The following UNC80 variants were observed in gnomAD, a reference collection of about 807,000 sequenced individuals.
The protein encoded by UNC80 is unc-80 subunit of NALCN channel complex.
In UNC80, 164 loss-of-function variants were observed where a neutral mutation model predicts 384.6. The ratio of observed to expected loss-of-function variants is 0.43; its 90% CI spans 0.38 to 0.49. The LOEUF (loss-of-function observed/expected upper bound fraction) is 0.49. UNC80 is among the 20% of genes least tolerant of loss of function. UNC80 has a pLI of 0.00. For missense variants in UNC80, 3,330 were observed against 4,143.0 expected, an observed-to-expected ratio of 0.80 and a Z score of 5.39; for synonymous variants, 1,486 against 1,527.8, an observed-to-expected ratio of 0.97 and a Z score of 0.64.
intron 43 of UNC80, 82 bp from the exon 44 acceptor site, chr2:209,941,139 A>G (rs2091603089): frequency 7.1e-7 from 1 of 1,407,904 alleles, no homozygotes; most frequent in Non-Finnish European, 9.4e-7. Flanking sequence ...GGAGAACAGC[A>G]GCGCCTTGGG....
intron 15 of UNC80, among the ~76,000 whole-genome samples, chr2:209,829,600 A>G (rs1247938422): frequency 6.6e-6 from 1 of 152,210 alleles, no homozygotes; most frequent in African/African-American, 2.4e-5. Context: ...TTACCACAGT[A>G]AATGAAAGTT....
At position 209,973,114 on chromosome 2, in the gene UNC80, A is replaced by G. The variant is rs2092924787; in HGVS notation, c.8431A>G (p.Ile2811Val). Residue 2811 changes from isoleucine (I) to valine (V), a missense_variant, in exon 56 of 65, where the codon ATC becomes GTC. Physicochemically the swap from Ile to Val is conservative, Grantham distance 29 (BLOSUM62 3). Transcript: ENST00000673920. Reference sequence around the variant, plus strand: ...GGTGCAGCTGCTGCTGCAGACAGTCATCAATGTACTCCTCCCACCGCGGAT... The same window carrying G: ...GGTGCAGCTGCTGCTGCAGACAGTCGTCAATGTACTCCTCCCACCGCGGAT... ...PEVQLLLQTV[I>V]NVLLPPRIIS... 2 of 1,551,452 alleles carry G rather than the reference A, an allele frequency of 1.3e-6. No homozygotes were observed. The highest frequency in any genetic ancestry group is 8.7e-7 in the Non-Finnish European group (1 of 1,146,984).
chr2:209,854,304 A>G (rs2082733440), intron 22 of UNC80, among the ~76,000 whole-genome samples: 1 of 151,178 alleles, frequency 6.6e-6, no homozygotes, highest in Non-Finnish European at 1.5e-5. Flanking sequence ...TTTTTTAAAA[A>G]GAGTCTAACT....
intron 5 of UNC80, among the ~76,000 whole-genome samples, chr2:209,789,249 T>G (rs1168694156): frequency 6.6e-6 from 1 of 152,234 alleles, no homozygotes; most frequent in Non-Finnish European, 1.5e-5. Flanking sequence ...TATTAGGTGC[T>G]GAGTAGGTGT....
At chr2:209,790,905 G>A (rs1376696790) in intron 6 of UNC80, among the ~76,000 whole-genome samples, 2 of 152,064 alleles carry the variant, frequency 1.3e-5, no homozygotes, top group Non-Finnish European at 2.9e-5. Flanking sequence ...CAAGTAACAT[G>A]TCCTAGTTTA....
At chr2:209,886,940 T>C (rs1297905230) in intron 25 of UNC80, among the ~76,000 whole-genome samples, 2 of 152,216 alleles carry the variant, frequency 1.3e-5, no homozygotes, top group Non-Finnish European at 2.9e-5. Flanking sequence ...TTCCTAGGGC[T>C]CTAGGGAAGA....
intron 26 of UNC80, among the ~76,000 whole-genome samples, chr2:209,889,555 C>T (rs34529676): frequency 0.094 from 14,230 of 152,100 alleles, 819 homozygotes; most frequent in South Asian, 0.26. Context: ...ATGTTTGTTA[C>T]ATAGGTATAG....
At chr2:209,857,577 C>A (rs1038777005) in intron 22 of UNC80, among the ~76,000 whole-genome samples, 2 of 151,754 alleles carry the variant, frequency 1.3e-5, no homozygotes, top group African/African-American at 4.8e-5. Flanking sequence ...TTAATGCTTG[C>A]TCTTATTTTT....
intron 13 of UNC80, among the ~76,000 whole-genome samples, chr2:209,822,884 T>C (rs1252705943): frequency 6.6e-6 from 1 of 152,124 alleles, no homozygotes; most frequent in African/African-American, 2.4e-5. Context: ...GATTATGTGG[T>C]CTCCAATACA....
intron 7 of UNC80, among the ~76,000 whole-genome samples, chr2:209,808,294 G>T (rs1246676453): frequency 1.7e-5 from 1 of 60,012 alleles, no homozygotes; most frequent in Admixed American, 2.3e-4. Context: ...TGGGCGTGGT[G>T]GTTCACGCCT....
intron 29 of UNC80, among the ~76,000 whole-genome samples, chr2:209,907,110 T>A (rs1190566536): frequency 6.6e-6 from 1 of 152,162 alleles, no homozygotes; most frequent in African/African-American, 2.4e-5. Context: ...GGACACTAAA[T>A]GTTATTTTCC....
chr2:209,992,649 A>G (rs1427575421), intron 62 of UNC80, among the ~76,000 whole-genome samples: 2 of 152,174 alleles, frequency 1.3e-5, no homozygotes, highest in Admixed American at 6.5e-5. Context: ...CTATAATTCT[A>G]TTTGTTCCTT....
chr2:209,778,652 C>T (rs1160054092), intron 4 of UNC80, among the ~76,000 whole-genome samples: 7 of 152,098 alleles, frequency 4.6e-5, no homozygotes, highest in Admixed American at 6.5e-5. Context: ...TGCTCTAACA[C>T]GGGGTGAATA....
intron 45 of UNC80, 137 bp from the exon 46 acceptor site, chr2:209,944,914 C>A: frequency 9.9e-7 from 1 of 1,010,114 alleles, no homozygotes. Context: ...ATTGCGGGAT[C>A]CAGAATTATG....
chr2:209,925,000 G>A (rs933730333), intron 35 of UNC80, among the ~76,000 whole-genome samples: 1 of 151,962 alleles, frequency 6.6e-6, no homozygotes, highest in African/African-American at 2.4e-5. Context: ...TGGTTGCAAG[G>A]TTGTCAATTT....
In UNC80 at chr2:209,910,743, G is replaced by A. The variant is rs932108427; in HGVS notation, c.4783-1817G>A. On this transcript the variant is annotated intron_variant, in intron 29 of 64. Coordinates refer to ENST00000673920, the MANE Select transcript of UNC80 (RefSeq NM_001371986.1). ...TTTAATCAAGAAATATTATTCAAAA[G>A]AATTCCTGGAGAAAAAATGTCCAAC... 3.7e-5 allele frequency among the ~76,000 whole-genome samples: 5 copies of A among 133,386 alleles called. No individual in the cohort carries two copies. In the East Asian group the frequency reaches 1.1e-3, roughly 30 times the overall value. 87.5% of individuals were successfully genotyped at this position (133,386 alleles called of 152,430 possible).
At chr2:209,934,118 C>A in intron 39 of UNC80, 113 bp downstream of exon 39, 1 of 1,041,076 alleles carries the variant, frequency 9.6e-7, no homozygotes, top group Non-Finnish European at 1.3e-6. Context: ...TTCTAACCCC[C>A]AGTATTGAGT....
rs757992558 is a variant in UNC80 at position 209,970,934 on chromosome 2, C to T, written c.8233C>T (p.Arg2745Trp). ...PPLPFSTAVV[R>W]LVALQIQALK... The stretch of plus-strand genomic sequence containing the variant: ...TCTGCCCTTCAGCACAGCTGTTGTC[C>T]GGCTTGTAGCATTGCAGATACAGGT... Residue 2745 changes from arginine (R) to tryptophan (W), a missense_variant, in exon 54 of 65, where the codon CGG becomes TGG. Coordinates refer to ENST00000673920, the MANE Select transcript of UNC80 (RefSeq NM_001371986.1). 5.7e-5 allele frequency: 89 copies of T among 1,551,724 alleles called. No individual in the cohort carries two copies. The highest frequency in any genetic ancestry group is 4.7e-5 in the Non-Finnish European group (54 of 1,146,988).
chr2:209,927,616 A>G (rs1331307058), intron 36 of UNC80, among the ~76,000 whole-genome samples: 2 of 152,242 alleles, frequency 1.3e-5, no homozygotes, highest in African/African-American at 2.4e-5. Flanking sequence ...GTCGGCAAAT[A>G]TTACTTTAAA....
Sources: allele counts gnomAD v4.1 joint callset (sites outside exome capture counted in the v4.1 genomes callset), GRCh38; gene constraint gnomAD v4.1.1; transcripts MANE v1.5; gene names NCBI Gene and HGNC (gene_info 2026-07-23, HGNC 2026-07-21).